CACNG8: variants seen among roughly 807,000 people sequenced by gnomAD.
CACNG8 encodes the protein calcium voltage-gated channel auxiliary subunit gamma 8.
A neutral mutation model predicts 26.9 loss-of-function variants in CACNG8; 5 were observed. That is an observed-to-expected ratio of 0.19 (90% CI 0.10 to 0.39). The LOEUF (loss-of-function observed/expected upper bound fraction) is 0.39. Among genes scored for constraint, CACNG8 ranks in the 10% least tolerant of loss-of-function variants. The pLI is 1.00. For missense variants in CACNG8, 473 were observed against 609.4 expected (o/e 0.78, Z 2.36); for synonymous variants, 321 against 296.7 (o/e 1.08, Z -0.84).
intron 1 of CACNG8, among the ~76,000 whole-genome samples, chr19:53,968,951 T>C (rs1207133737): frequency 2.0e-5 from 3 of 152,010 alleles, no homozygotes; most frequent in African/African-American, 7.2e-5. Flanking sequence ...GTCATTCATT[T>C]GTCACTGAAT....
At chr19:53,972,276 G>A (rs1316410196) in intron 1 of CACNG8, among the ~76,000 whole-genome samples, 1 of 151,040 alleles carries the variant, frequency 6.6e-6, no homozygotes, top group African/African-American at 2.4e-5. Context: ...GATTACAGCT[G>A]TGAGCCACTG....
chr19:53,979,758 A>C (rs2069352823), intron 2 of CACNG8, 109 bp from the exon 3 acceptor site: 1 of 1,165,900 alleles, frequency 8.6e-7, no homozygotes, highest in Non-Finnish European at 1.2e-6. Context: ...AGAGAGAATC[A>C]CAGAACTGTC....
chr19:53,967,611 G>C (rs929274630), intron 1 of CACNG8, among the ~76,000 whole-genome samples: 1 of 152,158 alleles, frequency 6.6e-6, no homozygotes, highest in African/African-American at 2.4e-5. Flanking sequence ...AAAGCAGGCG[G>C]ATCACCTGAG....
chr19:53,964,204 G>T (rs983404405), intron 1 of CACNG8, among the ~76,000 whole-genome samples: 10 of 150,614 alleles, frequency 6.6e-5, no homozygotes, highest in African/African-American at 2.4e-4. Flanking sequence ...TCTCTCTCCC[G>T]ACATTTCCCC....
chr19:53,983,635 CAGTTAGGCTAT>C lies in CACNG8; in HGVS notation c.*789_*799del, dbSNP rs1246162111. 1.3e-5 allele frequency: 2 copies of C among 152,222 alleles called. No homozygotes were observed. Among genetic ancestry groups the C allele is most frequent in the African/African-American group, 4.8e-5 (2 of 41,440 alleles). 9.4% of individuals were successfully genotyped at this position (152,222 alleles called of 1,614,324 possible). ...GATCATGTACATACACAATAAATTA[CAGTTAGGCTAT>C]AGGAGAAACGAGATGCTATGAAATG... On this transcript the variant is annotated 3_prime_UTR_variant, in exon 4 of 4. Transcript: ENST00000270458.
intron 2 of CACNG8, among the ~76,000 whole-genome samples, chr19:53,978,824 A>AC (rs1330653996): frequency 1.4e-5 from 2 of 141,226 alleles, no homozygotes; most frequent in African/African-American, 5.3e-5. Context: ...GGAGGGAGGA[A>AC]AAGAGGGAGA....
Position 53,982,740 on chromosome 19 carries a change from C to T in CACNG8, c.1169C>T (p.Pro390Leu), listed in dbSNP as rs2069380611. The T allele has an allele frequency of 4.2e-6, 5 of 1,195,510 alleles. No individual in the cohort carries two copies. Among genetic ancestry groups the T allele is most frequent in the East Asian group, 3.8e-5 (1 of 26,408 alleles). The allele number at this position is 1,195,510 out of a possible 1,614,324, so 74.1% of individuals were successfully genotyped here. Residue 390 changes from proline (P) to leucine (L), a missense_variant, in exon 4 of 4, where the codon CCG (proline) becomes CTG (leucine). By Grantham distance (98) the Pro-to-Leu change is moderately conservative. Around this residue, in one of 6 missense-constraint regions of CACNG8, gnomAD observed 212 missense variants for 214.4 expected, o/e 0.99. Coordinates refer to ENST00000270458, the MANE Select transcript of CACNG8 (RefSeq NM_031895.6). The surrounding 1 kb of genome is among the most constrained non-coding windows in gnomAD (Gnocchi z 8.4). ...GTCACGGTCACCGGGCCGCCCGCCCCGCCCGCGCCCGCGCCACCCGCGCCC... is the reference window on the plus strand; with the variant it reads ...GTCACGGTCACCGGGCCGCCCGCCCTGCCCGCGCCCGCGCCACCCGCGCCC...
At chr19:53,966,737 C>T (rs755965712) in intron 1 of CACNG8, among the ~76,000 whole-genome samples, 1 of 152,128 alleles carries the variant, frequency 6.6e-6, no homozygotes, top group African/African-American at 2.4e-5. Context: ...GCTTTAGATT[C>T]GGAGATGGGA....
chr19:53,978,610 G>A (rs2069344706), intron 2 of CACNG8, among the ~76,000 whole-genome samples: 1 of 151,752 alleles, frequency 6.6e-6, no homozygotes, highest in Non-Finnish European at 1.5e-5. Flanking sequence ...GGAGCCGGCT[G>A]GGAAAGCCTG....
intron 3 of CACNG8, among the ~76,000 whole-genome samples, chr19:53,981,835 C>T (rs1371628773): frequency 2.0e-5 from 3 of 152,174 alleles, no homozygotes; most frequent in Non-Finnish European, 4.4e-5. Flanking sequence ...TGGGCCGGAG[C>T]CCTCTGGGTT....
chr19:53,978,435 C>T (rs1021725734), intron 2 of CACNG8, among the ~76,000 whole-genome samples: 4 of 152,138 alleles, frequency 2.6e-5, no homozygotes, highest in African/African-American at 7.2e-5. Context: ...CCTCCTCTCA[C>T]CTTGGGGCGG....
At chr19:53,972,641 C>T (rs1020691279) in intron 1 of CACNG8, among the ~76,000 whole-genome samples, 6 of 150,568 alleles carry the variant, frequency 4.0e-5, no homozygotes, top group Middle Eastern at 7.1e-3. Flanking sequence ...GGATTACAGG[C>T]GTGAGCCACC....
At chr19:53,964,067 G>C (rs2069258727) in intron 1 of CACNG8, among the ~76,000 whole-genome samples, 1 of 151,974 alleles carries the variant, frequency 6.6e-6, no homozygotes, top group African/African-American at 2.4e-5. Context: ...CCAAAGTGCT[G>C]GGATGAAGGG....
chr19:53,982,647 G>T lies in CACNG8; in HGVS notation c.1076G>T (p.Arg359Leu). 1 of 1,044,628 alleles carries T rather than the reference G, an allele frequency of 9.6e-7. No individual in the cohort carries two copies. The highest frequency in any genetic ancestry group is 1.1e-6 in the Non-Finnish European group (1 of 870,106). 64.7% of individuals were successfully genotyped at this position (1,044,628 alleles called of 1,614,324 possible). A position where few individuals can be genotyped will look rare whatever the true frequency, so the allele number is the denominator to read the frequency against. The change falls in exon 4 of 4, where the codon CGC becomes CTC. Residue 359 changes from arginine (R) to leucine (L), a missense_variant. Coordinates refer to ENST00000270458, the MANE Select transcript of CACNG8 (RefSeq NM_031895.6). The surrounding 1 kb of genome is among the most constrained non-coding windows in gnomAD (Gnocchi z 8.4). ...GGCGGGGCGGGTGCCGAGCGGGACC[G>T]CGGGGGGGCGTCCGGCTTCCTCACG...
chr19:53,978,314 C>T lies in CACNG8; in HGVS notation c.367+85C>T, dbSNP rs968718378. ...TCGGGGTGGGTGCCGGGAAAAGGCA[C>T]TGGGACTCCGGCACTTGGATCGACA... is the stretch of plus-strand genomic sequence containing the variant. On this transcript the variant is annotated intron_variant, in intron 2 of 3. Transcript: ENST00000270458. 5.6e-5 allele frequency: 57 copies of T among 1,023,202 alleles called. 2 individuals are homozygous for T. The Admixed American group carries it at 7.2e-4, about 13-fold the overall frequency. The allele number at this position is 1,023,202 out of a possible 1,614,324, so 63.4% of individuals were successfully genotyped here.
In CACNG8 at chr19:53,980,376, TA is replaced by T. The variant is rs140943926; in HGVS notation, c.508+370del. On this transcript the variant is annotated intron_variant, in intron 3 of 3. Coordinates refer to ENST00000270458, the MANE Select transcript of CACNG8 (RefSeq NM_031895.6). ...TGAGACACAATTGGGCTCTTGAGGATAGAGAGGCGGGGCTGGGTCTTGGAGG... is the reference window on the plus strand; with the variant it reads ...TGAGACACAATTGGGCTCTTGAGGATGAGAGGCGGGGCTGGGTCTTGGAGG... 4.7e-3 allele frequency among the ~76,000 whole-genome samples: 716 copies of T among 151,432 alleles called. 5 individuals are homozygous for T. The highest frequency in any genetic ancestry group is 0.017 in the African/African-American group (682 of 41,242).
chr19:53,982,788 TG>T lies in CACNG8; in HGVS notation c.1219del (p.Ala407ProfsTer53). ...CCCTCTGCGCCCGCCCCCGGGACCCTGGCCAAGGAGGCCGCCGCCTCCAACA... is the reference window on the plus strand; with the variant it reads ...CCCTCTGCGCCCGCCCCCGGGACCCTGCCAAGGAGGCCGCCGCCTCCAACA... On this transcript the variant is annotated frameshift_variant, in exon 4 of 4. Coordinates refer to ENST00000270458, the MANE Select transcript of CACNG8 (RefSeq NM_031895.6). LOFTEE classifies it high-confidence loss of function. The surrounding 1 kb of genome is among the most constrained non-coding windows in gnomAD (Gnocchi z 8.4). The T allele has an allele frequency of 7.4e-7, 1 of 1,356,818 alleles. No individual in the cohort carries two copies. Among genetic ancestry groups the T allele is most frequent in the African/African-American group, 1.5e-5 (1 of 65,220 alleles). The allele number at this position is 1,356,818 out of a possible 1,614,324, so 84.0% of individuals were successfully genotyped here.
intron 1 of CACNG8, among the ~76,000 whole-genome samples, chr19:53,970,794 T>C (rs764971846): frequency 4.6e-5 from 7 of 151,056 alleles, no homozygotes; most frequent in Admixed American, 2.6e-4. Context: ...TAGTTGGGCA[T>C]GGTGATACAT....
At chr19:53,978,466 G>T (rs537065964) in intron 2 of CACNG8, among the ~76,000 whole-genome samples, 46 of 152,088 alleles carry the variant, frequency 3.0e-4, no homozygotes, top group Non-Finnish European at 5.6e-4. Flanking sequence ...GATCCTGGGC[G>T]CTAATTGGCC....
Sources: allele counts gnomAD v4.1 joint callset (sites outside exome capture counted in the v4.1 genomes callset), GRCh38; gene constraint gnomAD v4.1.1; regional missense constraint gnomAD v4.1.1; non-coding constraint Gnocchi (gnomAD v3.1); transcripts MANE v1.5; gene names NCBI Gene and HGNC (gene_info 2026-07-23, HGNC 2026-07-21).